ADGB: variants seen among roughly 807,000 people sequenced by gnomAD.
ADGB encodes androglobin.
ADGB carries 172 observed loss-of-function variants against 210.5 expected under a neutral mutation model. The ratio of observed to expected loss-of-function variants is 0.82; its 90% CI spans 0.72 to 0.93. The LOEUF (loss-of-function observed/expected upper bound fraction) is 0.93, where lower values mean the gene tolerates loss of function less well. ADGB is among the 40% of genes least tolerant of loss of function. ADGB has a pLI of 0.00. For missense variants in ADGB, 2,025 were observed against 1,964.8 expected (o/e 1.03, Z -0.58); for synonymous variants, 658 against 662.7 (o/e 0.99, Z 0.11).
intron 35 of ADGB, among the ~76,000 whole-genome samples, chr6:146,809,082 A>C (rs1197518576): frequency 2.0e-5 from 3 of 151,868 alleles, no homozygotes; most frequent in Non-Finnish European, 4.4e-5. Context: ...TTTAGCATTT[A>C]TGTGGAACAT....
At chr6:146,637,878 A>C (rs1193491950) in intron 2 of ADGB, among the ~76,000 whole-genome samples, 1 of 151,960 alleles carries the variant, frequency 6.6e-6, no homozygotes, top group African/African-American at 2.4e-5. Flanking sequence ...CTCCTCCCCA[A>C]CTCATTCCAT....
At chr6:146,802,486 G>A in intron 35 of ADGB, 1 of 240,884 alleles carries the variant, frequency 4.2e-6, no homozygotes, top group Non-Finnish European at 7.9e-6. Flanking sequence ...ATGCAGGATT[G>A]CATTAAAATC....
chr6:146,746,297 A>G (rs890641199), intron 26 of ADGB, among the ~76,000 whole-genome samples, 188 bp downstream of exon 26: 3 of 152,178 alleles, frequency 2.0e-5, no homozygotes, highest in Non-Finnish European at 2.9e-5. Context: ...GTATGGCTAC[A>G]TATAATGGTA....
intron 3 of ADGB, among the ~76,000 whole-genome samples, chr6:146,646,577 T>C (rs558624584): frequency 6.6e-6 from 1 of 152,168 alleles, no homozygotes; most frequent in African/African-American, 2.4e-5. Context: ...GAAGGATTAG[T>C]TAATAGCACC....
intron 18 of ADGB, chr6:146,724,766 C>G (rs910336629): frequency 6.6e-6 from 1 of 152,098 alleles, no homozygotes; most frequent in African/African-American, 2.4e-5. Flanking sequence ...TTTTCCCCTA[C>G]CAATCTAGAT....
rs1777337190 is a variant in ADGB at position 146,752,463 on chromosome 6, T to C, written c.3366-67T>C. The C allele has an allele frequency of 2.1e-6, 3 of 1,395,680 alleles. No homozygotes were observed. In the African/African-American group the frequency reaches 4.4e-5, roughly 20 times the overall value. The allele number at this position is 1,395,680 out of a possible 1,614,324, so 86.5% of individuals were successfully genotyped here. A position where few individuals can be genotyped will look rare whatever the true frequency, so the allele number is the denominator to read the frequency against. ...TGGGCAGGGACATATATCCAAACTA[T>C]CTCACTTACTGACTTGAGAGAAAGA... On this transcript the variant is annotated intron_variant, in intron 26 of 35. Transcript: ENST00000397944.
chr6:146,782,495 C>T (rs533155806), intron 30 of ADGB, among the ~76,000 whole-genome samples: 1 of 152,274 alleles, frequency 6.6e-6, no homozygotes, highest in East Asian at 1.9e-4. Flanking sequence ...ATGGAGGAGA[C>T]TGAAGGTAAA....
intron 22 of ADGB, among the ~76,000 whole-genome samples, chr6:146,735,103 G>A (rs895179609): frequency 1.3e-5 from 2 of 151,708 alleles, no homozygotes; most frequent in Non-Finnish European, 2.9e-5. Flanking sequence ...CAGTAAAAAC[G>A]TCAGATACAC....
intron 33 of ADGB, 30 bp from the exon 34 acceptor site, chr6:146,801,153 T>G: frequency 7.7e-7 from 1 of 1,293,292 alleles, no homozygotes; most frequent in African/African-American, 1.5e-5. Context: ...AAAGCCTAGG[T>G]TTTTTGTTGT....
intron 13 of ADGB, 122 bp downstream of exon 13, chr6:146,701,192 T>G (rs1583596459): frequency 1.8e-6 from 2 of 1,139,778 alleles, no homozygotes; most frequent in South Asian, 1.7e-5. Context: ...GTATAAAGAA[T>G]AGTGTTAAAA....
chr6:146,612,104 C>T (rs1027381057), intron 1 of ADGB, among the ~76,000 whole-genome samples: 2 of 152,066 alleles, frequency 1.3e-5, no homozygotes, highest in Non-Finnish European at 2.9e-5. Context: ...GCACTGCAGC[C>T]CAATCTGGCC....
intron 25 of ADGB, among the ~76,000 whole-genome samples, chr6:146,744,078 G>T (rs1409313483): frequency 6.6e-6 from 1 of 152,072 alleles, no homozygotes; most frequent in East Asian, 1.9e-4. Flanking sequence ...CTAAAATGTG[G>T]TTCCCAGAAC....
At chr6:146,649,240 C>T (rs1351359105) in intron 3 of ADGB, among the ~76,000 whole-genome samples, 2 of 146,132 alleles carry the variant, frequency 1.4e-5, no homozygotes, top group South Asian at 2.2e-4. Context: ...AAGTGAAATA[C>T]GTGGGCATTT....
chr6:146,773,731 A>G (rs1777686479), intron 29 of ADGB, among the ~76,000 whole-genome samples: 1 of 152,016 alleles, frequency 6.6e-6, no homozygotes. Flanking sequence ...CAAAGCCCAG[A>G]ATCTTCCACC....
At chr6:146,709,227 G>C (rs879787568) in intron 13 of ADGB, among the ~76,000 whole-genome samples, 3 of 152,106 alleles carry the variant, frequency 2.0e-5, no homozygotes, top group Middle Eastern at 3.2e-3. Flanking sequence ...TATTTCATTA[G>C]AGCTGGCTTT....
At chr6:146,813,836 C>T (rs1227454478) in intron 35 of ADGB, among the ~76,000 whole-genome samples, 3 of 152,174 alleles carry the variant, frequency 2.0e-5, no homozygotes, top group Non-Finnish European at 2.9e-5. Context: ...ACTCAGACAG[C>T]TTTGAGTTCA....
chr6:146,807,353 T>C lies in ADGB; in HGVS notation c.4818+5342T>C, dbSNP rs149290232. The C allele has an allele frequency of 3.7e-4, 563 of 1,525,844 alleles. 4 individuals carry two copies. The Middle Eastern group carries it at 6.6e-3, about 18-fold the overall frequency. 94.5% of individuals were successfully genotyped at this position (1,525,844 alleles called of 1,614,324 possible). Reference sequence around the variant, plus strand: ...TTTCATTTTTTTCTTTCTGGGAACGTAAGCCTTTACCAGTGGAATTATTTG... The same window carrying C: ...TTTCATTTTTTTCTTTCTGGGAACGCAAGCCTTTACCAGTGGAATTATTTG... On this transcript the variant is annotated intron_variant, in intron 35 of 35. Transcript: ENST00000397944.
chr6:146,714,193 G>A (rs1280540005), intron 13 of ADGB, among the ~76,000 whole-genome samples: 2 of 152,178 alleles, frequency 1.3e-5, no homozygotes, highest in Non-Finnish European at 2.9e-5. Context: ...GCACCAAAGA[G>A]TTGCTGATTA....
At chr6:146,741,407 G>C (rs752729413) in intron 25 of ADGB, 136 bp downstream of exon 25, 1 of 706,770 alleles carries the variant, frequency 1.4e-6, no homozygotes, top group Non-Finnish European at 2.2e-6. Context: ...TTTCACTATA[G>C]AAGTCCCATA....
Sources: allele counts gnomAD v4.1 joint callset (sites outside exome capture counted in the v4.1 genomes callset), GRCh38; gene constraint gnomAD v4.1.1; transcripts MANE v1.5; gene names NCBI Gene and HGNC (gene_info 2026-07-23, HGNC 2026-07-21).